SULF1: variants seen among roughly 807,000 people sequenced by gnomAD.
The protein encoded by SULF1 is sulfatase 1, also known as extracellular sulfatase Sulf-1.
A neutral mutation model predicts 110.5 loss-of-function variants in SULF1; 46 were observed. That is an observed-to-expected ratio of 0.42 (90% CI 0.33 to 0.53). The LOEUF (loss-of-function observed/expected upper bound fraction) is 0.53. Among genes scored for constraint, SULF1 ranks in the 20% least tolerant of loss-of-function variants. The probability of loss-of-function intolerance (pLI) is 0.12; values close to 1 mark genes in which losing one functional copy is unlikely to be tolerated. For missense variants in SULF1, 941 were observed against 1,094.2 expected (o/e 0.86, Z 1.98); for synonymous variants, 371 against 387.1 (o/e 0.96, Z 0.49).
At chr8:69,497,987 A>C (rs1276478406) in intron 2 of SULF1, among the ~76,000 whole-genome samples, 5 of 152,202 alleles carry the variant, frequency 3.3e-5, no homozygotes, top group African/African-American at 4.8e-5. Flanking sequence ...CCATATGTCC[A>C]ACATTTTATA....
At chr8:69,585,746 A>G (rs1806410145) in intron 6 of SULF1, among the ~76,000 whole-genome samples, 4 of 152,216 alleles carry the variant, frequency 2.6e-5, no homozygotes, top group Admixed American at 2.6e-4. Flanking sequence ...TAATAGATGT[A>G]TACATTCATA....
chr8:69,594,985 C>T (rs969559758), intron 8 of SULF1, among the ~76,000 whole-genome samples: 9 of 152,116 alleles, frequency 5.9e-5, no homozygotes, highest in African/African-American at 1.7e-4. Context: ...GACATGCCTT[C>T]GGACCAAGTA....
intron 13 of SULF1, among the ~76,000 whole-genome samples, chr8:69,619,173 TAAAGA>T (rs1248944746): frequency 7.2e-5 from 11 of 152,220 alleles, no homozygotes; most frequent in Non-Finnish European, 1.5e-4. Context: ...TGCACCCATT[TAAAGA>T]AGAGTTTCTC....
intron 13 of SULF1, among the ~76,000 whole-genome samples, chr8:69,610,475 C>T (rs1354946518): frequency 6.6e-6 from 1 of 152,186 alleles, no homozygotes; most frequent in Non-Finnish European, 1.5e-5. Flanking sequence ...TCATAGACAT[C>T]TTCCCCTGGC....
At chr8:69,550,104 G>A (rs1189406709) in intron 3 of SULF1, among the ~76,000 whole-genome samples, 2 of 151,058 alleles carry the variant, frequency 1.3e-5, no homozygotes, top group South Asian at 2.1e-4. Flanking sequence ...TTTCCAGTTT[G>A]AAATTCTCTA....
chr8:69,558,044 G>A (rs1815231371), intron 3 of SULF1, among the ~76,000 whole-genome samples: 1 of 152,180 alleles, frequency 6.6e-6, no homozygotes. Flanking sequence ...CTTGCCAGCT[G>A]TGGGGTTGTT....
At chr8:69,501,500 A>G in intron 2 of SULF1, among the ~76,000 whole-genome samples, 1 of 152,244 alleles carries the variant, frequency 6.6e-6, no homozygotes, top group East Asian at 1.9e-4. Flanking sequence ...TTTCCTTTAA[A>G]ATAGGTCTCC....
At position 69,567,265 on chromosome 8, in the gene SULF1, G is replaced by A. The variant is rs573949256; in HGVS notation, c.172+3118G>A. On this transcript the variant is annotated intron_variant, in intron 5 of 22. Coordinates refer to ENST00000402687, the MANE Select transcript of SULF1 (RefSeq NM_001128205.2). ...CTCTCGGTAGTGGTTCCCGCTTGAT[G>A]GAGACTTTTCCTCATTTTTCTGTAA... Among the ~76,000 whole-genome samples the A allele has an allele frequency of 2.6e-5, 4 of 152,194 alleles. No individual in the cohort carries two copies. The South Asian group carries it at 6.3e-4, about 24-fold the overall frequency.
chr8:69,628,059 A>G lies in SULF1; in HGVS notation c.2043-112A>G, dbSNP rs1337011578. ...GTAAAAAGTCACATTCAGCTAAAAT[A>G]CTTACAACATCACTGCCTTCCTTCT... On this transcript the variant is annotated intron_variant, in intron 17 of 22. Coordinates refer to ENST00000402687, the MANE Select transcript of SULF1 (RefSeq NM_001128205.2). 5 of 1,003,346 alleles carry G rather than the reference A, an allele frequency of 5.0e-6. No homozygotes were observed. In the East Asian group the frequency reaches 7.1e-5, roughly 14 times the overall value. 62.2% of individuals were successfully genotyped at this position (1,003,346 alleles called of 1,614,324 possible). A position where few individuals can be genotyped will look rare whatever the true frequency, so the allele number is the denominator to read the frequency against.
At chr8:69,532,490 T>C (rs1051489691) in intron 3 of SULF1, among the ~76,000 whole-genome samples, 1 of 152,122 alleles carries the variant, frequency 6.6e-6, no homozygotes, top group Non-Finnish European at 1.5e-5. Flanking sequence ...CAAATACTTT[T>C]CTGGTTTTAA....
intron 1 of SULF1, among the ~76,000 whole-genome samples, chr8:69,471,241 G>C (rs1429629992): frequency 6.6e-6 from 1 of 152,008 alleles, no homozygotes; most frequent in Non-Finnish European, 1.5e-5. Flanking sequence ...ACAGGGACTG[G>C]CCTGGTCCAC....
rs906565693 is a variant in SULF1 at position 69,638,000 on chromosome 8, T to C, written c.2285-502T>C. 44 of 164,618 alleles carry C rather than the reference T, an allele frequency of 2.7e-4. 1 individual carries two copies. Among genetic ancestry groups the C allele is most frequent in the Non-Finnish European group, 1.0e-4 (8 of 77,478 alleles). 10.2% of individuals were successfully genotyped at this position (164,618 alleles called of 1,614,324 possible). A position where few individuals can be genotyped will look rare whatever the true frequency, so the allele number is the denominator to read the frequency against. On this transcript the variant is annotated intron_variant, in intron 19 of 22. Transcript: ENST00000402687. Reference sequence around the variant, plus strand: ...GTGTTGCAGAGACCATCCCAAATCCTCCAGGCTGGGCTCAAGGCTTCTCTA... The same window carrying C: ...GTGTTGCAGAGACCATCCCAAATCCCCCAGGCTGGGCTCAAGGCTTCTCTA...
rs376934867 is a variant in SULF1, at chr8:69,472,729, C to A, written c.-391+5779C>A. ...ATTTTCAAAGAGAGGCATTAACAAT[C>A]ACATTTGACACCATCGTCACCTGTA... On this transcript the variant is annotated intron_variant, in intron 1 of 22. Transcript: ENST00000260128. 1.2e-4 allele frequency among the ~76,000 whole-genome samples: 19 copies of A among 152,352 alleles called. 1 individual carries two copies. The highest frequency in any genetic ancestry group is 4.6e-4 in the African/African-American group (19 of 41,584).
chr8:69,488,219 C>CA (rs532313026), upstream of SULF1, among the ~76,000 whole-genome samples: 20 of 149,762 alleles, frequency 1.3e-4, no homozygotes, highest in Admixed American at 3.3e-4. Flanking sequence ...TTTCTGATGG[C>CA]AAAAAAAAAG....
In SULF1 at chr8:69,628,297, G is replaced by A. The variant is rs955560839; in HGVS notation, c.2108+61G>A. ...TCAATGACTGTCCACCTGGCCCTTC[G>A]AAGAGGCTGGAGGGACCCCTGTGTT... On this transcript the variant is annotated intron_variant, in intron 18 of 22. Transcript: ENST00000402687. 1.7e-5 allele frequency: 25 copies of A among 1,438,906 alleles called. No individual in the cohort carries two copies. In the East Asian group the frequency reaches 3.2e-4, roughly 18 times the overall value. The allele number at this position is 1,438,906 out of a possible 1,614,324, so 89.1% of individuals were successfully genotyped here. A position where few individuals can be genotyped will look rare whatever the true frequency, so the allele number is the denominator to read the frequency against.
At chr8:69,526,585 G>A (rs1899275) in intron 3 of SULF1, among the ~76,000 whole-genome samples, 66,655 of 140,646 alleles carry the variant, frequency 0.47, 16,935 homozygotes, top group South Asian at 0.6. Context: ...AACATAGTGA[G>A]ACAGTATCTC....
chr8:69,572,788 C>T (rs954100996), intron 5 of SULF1, among the ~76,000 whole-genome samples: 2 of 152,142 alleles, frequency 1.3e-5, no homozygotes, highest in African/African-American at 4.8e-5. Flanking sequence ...AGCATTGTCT[C>T]AGAATCTCTT....
At chr8:69,631,062 G>C (rs1043429221) in intron 19 of SULF1, among the ~76,000 whole-genome samples, 1 of 152,018 alleles carries the variant, frequency 6.6e-6, no homozygotes, top group Non-Finnish European at 1.5e-5. Context: ...TGGGGAAGAC[G>C]GGTCTTTGAG....
At chr8:69,600,800 T>C (rs749666232) in intron 9 of SULF1, 47 bp downstream of exon 9, 5 of 1,590,260 alleles carry the variant, frequency 3.1e-6, no homozygotes, top group African/African-American at 1.3e-5. Flanking sequence ...CCCAGCTTCC[T>C]TTGTGTAGAC....
Sources: allele counts gnomAD v4.1 joint callset (sites outside exome capture counted in the v4.1 genomes callset), GRCh38; gene constraint gnomAD v4.1.1; transcripts MANE v1.5; gene names NCBI Gene and HGNC (gene_info 2026-07-23, HGNC 2026-07-21).